The following ATL2 variants were observed in gnomAD, a reference collection of about 807,000 sequenced individuals.
The protein encoded by ATL2 is atlastin-2.
ATL2 carries 31 observed loss-of-function variants against 73.9 expected under a neutral mutation model. The ratio of observed to expected loss-of-function variants is 0.42; its 90% CI spans 0.32 to 0.57. The LOEUF (loss-of-function observed/expected upper bound fraction) is 0.57. Among genes scored for constraint, ATL2 ranks in the 20% least tolerant of loss-of-function variants. The probability of loss-of-function intolerance (pLI) is 0.14; values close to 1 mark genes in which losing one functional copy is unlikely to be tolerated. For synonymous variants in ATL2, 291 were observed against 237.5 expected (o/e 1.23, Z -2.07); for missense variants, 738 against 702.6 (o/e 1.05, Z -0.57).
intron 1 of ATL2, among the ~76,000 whole-genome samples, chr2:38,367,457 T>A (rs1257412994): frequency 6.7e-6 from 1 of 150,164 alleles, no homozygotes; most frequent in Non-Finnish European, 1.5e-5. Context: ...CAAAAAAAAA[T>A]TAGCCGGGCA....
chr2:38,377,677 G>T (rs921036143), upstream of ATL2, among the ~76,000 whole-genome samples: 2 of 152,022 alleles, frequency 1.3e-5, no homozygotes, highest in South Asian at 4.1e-4. Flanking sequence ...ATCTCTAATC[G>T]TTGATTCGTG....
intron 1 of ATL2, among the ~76,000 whole-genome samples, chr2:38,364,856 A>G (rs1671217880): frequency 1.3e-5 from 2 of 152,174 alleles, no homozygotes; most frequent in Middle Eastern, 3.4e-3. Context: ...CATCCTGGCT[A>G]ACACGGTGAA....
chr2:38,309,111 T>G (rs188719858), intron 9 of ATL2, among the ~76,000 whole-genome samples: 1 of 152,150 alleles, frequency 6.6e-6, no homozygotes, highest in Admixed American at 6.5e-5. Context: ...TAGAGTATGA[T>G]GAATGGCTTG....
chr2:38,313,006 A>G (rs556883062), intron 7 of ATL2, 145 bp downstream of exon 7: 11 of 582,636 alleles, frequency 1.9e-5, no homozygotes, highest in Non-Finnish European at 3.0e-5. Context: ...CTTTTCATCA[A>G]TTACAAACAG....
intron 4 of ATL2, among the ~76,000 whole-genome samples, chr2:38,315,824 T>C (rs187649322): frequency 6.6e-6 from 1 of 152,184 alleles, no homozygotes; most frequent in Non-Finnish European, 1.5e-5. Context: ...GTGGTTCTCT[T>C]TTTACTCACA....
intron 2 of ATL2, among the ~76,000 whole-genome samples, chr2:38,322,727 G>A (rs1218503292): frequency 6.6e-6 from 1 of 152,102 alleles, no homozygotes; most frequent in Non-Finnish European, 1.5e-5. Context: ...GCAAAAGGAT[G>A]AAAGAAGCTG....
intron 4 of ATL2, among the ~76,000 whole-genome samples, chr2:38,316,639 T>C (rs1668039146): frequency 1.3e-5 from 2 of 152,126 alleles, no homozygotes; most frequent in Admixed American, 6.5e-5. Context: ...ACAAAGCACT[T>C]TCATATGCAT....
rs1372627840 is a variant in ATL2 at position 38,295,291 on chromosome 2, G to C, written c.*703C>G. ...ACTCATAGCTGTAGGCAACATTTTT[G>C]GATGGAATTTCTTCCCCAATAAAAT... On this transcript the variant is annotated 3_prime_UTR_variant, in exon 13 of 13. Coordinates refer to ENST00000378954, the MANE Select transcript of ATL2 (RefSeq NM_001135673.4). 3 of 152,076 alleles carry C rather than the reference G, an allele frequency of 2.0e-5. No individual in the cohort carries two copies. The highest frequency in any genetic ancestry group is 4.8e-5 in the African/African-American group (2 of 41,406). 9.4% of individuals were successfully genotyped at this position (152,076 alleles called of 1,614,324 possible). A position where few individuals can be genotyped will look rare whatever the true frequency, so the allele number is the denominator to read the frequency against.
intron 1 of ATL2, among the ~76,000 whole-genome samples, chr2:38,361,091 T>C (rs931592063): frequency 6.6e-6 from 1 of 151,958 alleles, no homozygotes; most frequent in Non-Finnish European, 1.5e-5. Context: ...CGGTGGCTCA[T>C]GCCTGTAATC....
intron 1 of ATL2, among the ~76,000 whole-genome samples, chr2:38,370,530 G>C (rs1352365360): frequency 6.6e-6 from 1 of 150,626 alleles, no homozygotes; most frequent in Non-Finnish European, 1.5e-5. Context: ...CAGCACTTTG[G>C]GAGCCCAAGG....
intron 1 of ATL2, among the ~76,000 whole-genome samples, chr2:38,360,879 CAAG>C (rs1051280199): frequency 4.6e-5 from 7 of 150,946 alleles, no homozygotes; most frequent in Non-Finnish European, 8.8e-5. Flanking sequence ...CATACATATA[CAAG>C]AAGAACGAAA....
intron 1 of ATL2, among the ~76,000 whole-genome samples, chr2:38,370,165 AAAAAAAGAAAG>A (rs1671591675): frequency 6.8e-6 from 1 of 145,988 alleles, no homozygotes; most frequent in African/African-American, 2.7e-5. Context: ...AAAAAAAAAA[AAAAAAAGAAAG>A]AAAATCAAGA....
At chr2:38,315,473 A>C (rs1204385900) in intron 4 of ATL2, 139 bp from the exon 5 acceptor site, 1 of 833,274 alleles carries the variant, frequency 1.2e-6, no homozygotes, top group African/African-American at 1.8e-5. Context: ...TTGACAACTG[A>C]CATGTGAAAA....
chr2:38,342,933 T>C (rs1317036837), intron 2 of ATL2, among the ~76,000 whole-genome samples: 1 of 151,432 alleles, frequency 6.6e-6, no homozygotes, highest in East Asian at 1.9e-4. Flanking sequence ...AAAAATGCAG[T>C]TCTGTCAGCC....
intron 1 of ATL2, among the ~76,000 whole-genome samples, chr2:38,359,956 C>G (rs1001964003): frequency 4.0e-5 from 6 of 151,634 alleles, no homozygotes; most frequent in African/African-American, 1.5e-4. Context: ...GGTGAAACCC[C>G]GTCTCTACTA....
chr2:38,347,744 A>T (rs1364171632), intron 1 of ATL2, among the ~76,000 whole-genome samples: 1 of 150,440 alleles, frequency 6.6e-6, no homozygotes, highest in East Asian at 2.0e-4. Flanking sequence ...CATTTTACTC[A>T]GGAGTCTTAC....
chr2:38,311,359 A>T (rs1667747655), intron 7 of ATL2, among the ~76,000 whole-genome samples: 2 of 152,170 alleles, frequency 1.3e-5, no homozygotes, highest in African/African-American at 4.8e-5. Flanking sequence ...ATAATTACTC[A>T]TTTATCCCAA....
At chr2:38,296,285 A>G (rs751843336) in intron 12 of ATL2, 172 bp from the exon 13 acceptor site, 40 of 1,437,764 alleles carry the variant, frequency 2.8e-5, no homozygotes, top group Non-Finnish European at 3.6e-5. Context: ...ACATTTTATA[A>G]TGCAACAAAA....
chr2:38,343,149 TAAAAAAAAAAAAAA>T (rs59215933), intron 2 of ATL2, 105 bp downstream of exon 2: 5,142 of 362,876 alleles, frequency 0.014, 69 homozygotes, highest in South Asian at 0.024. Context: ...CCACTTAAAT[TAAAAAAAAAAAAAA>T]AAAAAAAAAA....
Sources: allele counts gnomAD v4.1 joint callset (sites outside exome capture counted in the v4.1 genomes callset), GRCh38; gene constraint gnomAD v4.1.1; transcripts MANE v1.5; gene names NCBI Gene and HGNC (gene_info 2026-07-23, HGNC 2026-07-21).